ATP10D: variants seen among roughly 807,000 people sequenced by gnomAD.
ATP10D encodes phospholipid-transporting ATPase VD.
ATP10D carries 89 observed loss-of-function variants against 144.8 expected under a neutral mutation model. That is an observed-to-expected ratio of 0.61 (90% confidence interval 0.52 to 0.73). ATP10D has a LOEUF of 0.73. Among genes scored for constraint, ATP10D ranks in the 30% least tolerant of loss-of-function variants. The pLI is 0.00. For synonymous variants in ATP10D, 571 were observed against 615.1 expected, an observed-to-expected ratio of 0.93 and a Z score of 1.06; for missense variants, 1,603 against 1,714.8, an observed-to-expected ratio of 0.93 and a Z score of 1.15.
At chr4:47,505,606 C>T (rs1235150048) in intron 1 of ATP10D, among the ~76,000 whole-genome samples, 1 of 152,056 alleles carries the variant, frequency 6.6e-6, no homozygotes, top group Non-Finnish European at 1.5e-5. Context: ...CATGGCGATG[C>T]ATGCCTATAG....
chr4:47,566,555 T>C (rs1233558960), intron 15 of ATP10D, among the ~76,000 whole-genome samples: 4 of 152,202 alleles, frequency 2.6e-5, no homozygotes, highest in Non-Finnish European at 5.9e-5. Flanking sequence ...CAAATGCTTG[T>C]GATTTCTCTA....
intron 1 of ATP10D, among the ~76,000 whole-genome samples, chr4:47,488,596 C>A (rs1040808216): frequency 2.2e-5 from 2 of 89,682 alleles, no homozygotes; most frequent in Admixed American, 1.4e-4. Flanking sequence ...GAAATATCAC[C>A]AAGAAATATA....
At chr4:47,491,268 T>TA (rs1446584627) in intron 1 of ATP10D, 1 of 873,274 alleles carries the variant, frequency 1.1e-6, no homozygotes, top group Non-Finnish European at 1.9e-6. Flanking sequence ...GGGAACTTTG[T>TA]AGACTCTTCC....
At chr4:47,561,468 C>G (rs1719297986) in intron 14 of ATP10D, among the ~76,000 whole-genome samples, 1 of 152,068 alleles carries the variant, frequency 6.6e-6, no homozygotes, top group Non-Finnish European at 1.5e-5. Context: ...AAATCTCTAT[C>G]TTATGTAGAG....
rs1367893771 is a variant in ATP10D at position 47,582,092 on chromosome 4, G to A, written c.3753+28G>A. The A allele has an allele frequency of 5.1e-6, 8 of 1,553,458 alleles. No individual in the cohort carries two copies. The African/African-American group carries it at 1.1e-4, about 21-fold the overall frequency. ...GAGTGGTTTTCTTGCCTCTGAAGTA[G>A]CCTAAAATCTTTTATGCTTGGGGAT... is the stretch of plus-strand genomic sequence containing the variant. On this transcript the variant is annotated intron_variant, in intron 21 of 22. Coordinates refer to ENST00000273859, the MANE Select transcript of ATP10D (RefSeq NM_020453.4).
chr4:47,513,395 A>G (rs867768766), intron 2 of ATP10D, among the ~76,000 whole-genome samples: 12 of 152,204 alleles, frequency 7.9e-5, no homozygotes, highest in Admixed American at 6.5e-4. Flanking sequence ...GGGAAACACA[A>G]TATATACATA....
intron 4 of ATP10D, among the ~76,000 whole-genome samples, chr4:47,524,840 TAAATC>T (rs10617682): frequency 0.25 from 38,568 of 151,998 alleles, 5,183 homozygotes; most frequent in South Asian, 0.31. Flanking sequence ...CATTAGAAAA[TAAATC>T]ATATCATATA....
At chr4:47,510,075 C>G (rs1159966079) in intron 1 of ATP10D, among the ~76,000 whole-genome samples, 1 of 151,302 alleles carries the variant, frequency 6.6e-6, no homozygotes. Context: ...TAAATAGATC[C>G]TTGGTCATTC....
At chr4:47,548,209 C>T (rs758312784) in intron 10 of ATP10D, among the ~76,000 whole-genome samples, 4 of 152,118 alleles carry the variant, frequency 2.6e-5, no homozygotes, top group Admixed American at 6.6e-5. Flanking sequence ...TCACCCTATT[C>T]GTGGAACAAA....
At chr4:47,499,333 T>C (rs868524314) in intron 1 of ATP10D, among the ~76,000 whole-genome samples, 3 of 152,138 alleles carry the variant, frequency 2.0e-5, no homozygotes, top group Non-Finnish European at 4.4e-5. Flanking sequence ...TTCTAACAAA[T>C]ATAAGGAAAA....
At chr4:47,559,591 T>C (rs571251187) in intron 13 of ATP10D, among the ~76,000 whole-genome samples, 2 of 152,338 alleles carry the variant, frequency 1.3e-5, no homozygotes, top group Admixed American at 6.5e-5. Flanking sequence ...AATAAATTAT[T>C]TGAGAGATGT....
chr4:47,511,408 A>C (rs1716319276), intron 1 of ATP10D, among the ~76,000 whole-genome samples: 1 of 152,132 alleles, frequency 6.6e-6, no homozygotes, highest in Non-Finnish European at 1.5e-5. Flanking sequence ...ATATACTCAG[A>C]GGCTGTTGTT....
chr4:47,496,759 C>A (rs990046357), intron 1 of ATP10D, among the ~76,000 whole-genome samples: 1 of 151,808 alleles, frequency 6.6e-6, no homozygotes, highest in Non-Finnish European at 1.5e-5. Flanking sequence ...TGTGTTTGTT[C>A]AGGCTTTTTT....
At chr4:47,498,078 C>T (rs953832235) in intron 1 of ATP10D, among the ~76,000 whole-genome samples, 3 of 152,168 alleles carry the variant, frequency 2.0e-5, no homozygotes, top group African/African-American at 7.2e-5. Context: ...CCCTACAGAG[C>T]AGATGATATC....
intron 14 of ATP10D, among the ~76,000 whole-genome samples, chr4:47,563,026 C>T (rs1293999287): frequency 6.6e-6 from 1 of 152,082 alleles, no homozygotes; most frequent in Non-Finnish European, 1.5e-5. Flanking sequence ...AACATGTACA[C>T]ATGGACATGG....
chr4:47,586,397 C>G (rs1405790222), intron 21 of ATP10D, among the ~76,000 whole-genome samples: 1 of 152,216 alleles, frequency 6.6e-6, no homozygotes, highest in East Asian at 1.9e-4. Context: ...CAACCATCCT[C>G]TCAGAGAACT....
intron 1 of ATP10D, among the ~76,000 whole-genome samples, chr4:47,497,692 A>T (rs753046815): frequency 1.1e-4 from 17 of 152,232 alleles, no homozygotes; most frequent in Non-Finnish European, 1.6e-4. Flanking sequence ...ATAAATAATG[A>T]CATAGTTTAG....
intron 2 of ATP10D, among the ~76,000 whole-genome samples, chr4:47,513,870 A>G (rs1461372975): frequency 6.6e-6 from 1 of 152,212 alleles, no homozygotes; most frequent in Admixed American, 6.5e-5. Context: ...CAGAGAAAAC[A>G]TTTAGGAAGA....
In ATP10D at chr4:47,587,142, C is replaced by G. The variant is rs919139787; in HGVS notation, c.3877C>G (p.His1293Asp). 2 of 1,613,966 alleles carry G rather than the reference C, an allele frequency of 1.2e-6. No individual in the cohort carries two copies. The highest frequency in any genetic ancestry group is 1.7e-6 in the Non-Finnish European group (2 of 1,179,946). Reference protein sequence around the residue: ...PSNPYWIMQEHMLDPVFYLVC... With the variant: ...PSNPYWIMQEDMLDPVFYLVC... ...CAACCCTTACTGGATTATGCAGGAG[C>G]ACATGCTGGATCCAGTATTCTACTT... Residue 1293 changes from histidine to aspartate, a missense_variant, in exon 22 of 23, where the codon CAC (histidine) becomes GAC (aspartate). Coordinates refer to ENST00000273859, the MANE Select transcript of ATP10D (RefSeq NM_020453.4).
Sources: gnomAD v4.1 joint callset for allele counts (sites outside exome capture counted in the v4.1 genomes callset) on GRCh38, gnomAD v4.1.1 for gene constraint, MANE v1.5 for transcripts, NCBI Gene and HGNC (gene_info 2026-07-23, HGNC 2026-07-21) for gene names.